Variants in POMGNT1 observed in about 807,000 individuals in gnomAD.
POMGNT1 encodes the protein protein O-linked mannose N-acetylglucosaminyltransferase 1 (beta 1,2-).
POMGNT1 carries 67 observed loss-of-function variants against 95.6 expected under a neutral mutation model. The observed-to-expected ratio is 0.70, with a 90% CI of 0.58 to 0.86. POMGNT1 has a LOEUF of 0.86. Ranked by LOEUF, POMGNT1 falls within the 40% of genes least tolerant of loss-of-function variation. The probability of loss-of-function intolerance (pLI) is 0.00; values close to 1 mark genes in which losing one functional copy is unlikely to be tolerated. For missense variants in POMGNT1, 719 were observed against 855.2 expected (o/e 0.84, Z 1.99); for synonymous variants, 298 against 317.9 (o/e 0.94, Z 0.66).
Position 46,196,011 on chromosome 1 carries a change from C to T in POMGNT1, c.420+1G>A. 1.9e-6 allele frequency: 3 copies of T among 1,614,094 alleles called. No homozygotes were observed. Among genetic ancestry groups the T allele is most frequent in the Non-Finnish European group, 2.5e-6 (3 of 1,180,018 alleles). ...TGGGTCACCCACCCCTAGAAACTCA[C>T]CGTGGCCTGGTTGAGGACAATGACA... On this transcript the variant is annotated splice_donor_variant, in intron 5 of 21. Coordinates refer to ENST00000371984, the MANE Select transcript of POMGNT1 (RefSeq NM_017739.4). LOFTEE classifies it high-confidence loss of function. This position sits in a 1 kb window ranked among gnomAD's most constrained non-coding sequence, Gnocchi z 4.4.
At position 46,189,249 on chromosome 1, in the gene POMGNT1, C is replaced by T. The variant is rs773913718; in HGVS notation, c.*21G>A. ...CCTGGGGGTACACAGTACCCAGCCC[C>T]GCAGGGTCCTGGAGGAGGTCTCATG... On this transcript the variant is annotated 3_prime_UTR_variant, in exon 22 of 22. Coordinates refer to ENST00000371984, the MANE Select transcript of POMGNT1 (RefSeq NM_017739.4). 13 of 1,609,376 alleles carry T rather than the reference C, an allele frequency of 8.1e-6. No homozygotes were observed. The highest frequency in any genetic ancestry group is 4.0e-5 in the African/African-American group (3 of 74,540).
At chr1:46,213,375 T>TTTTTTTTTTTTTTTTTTTTTTG (rs1553165553) in intron 1 of POMGNT1, among the ~76,000 whole-genome samples, 4 of 150,260 alleles carry the variant, frequency 2.7e-5, no homozygotes, top group Admixed American at 6.8e-5. Context: ...ATAAATTTTT[T>TTTTTTTTTTTTTTTTTTTTTTG]AAAATGTCAT....
Position 46,194,590 on chromosome 1 carries a change from G to A in POMGNT1, c.714C>T (p.Val238=). The change falls in exon 8 of 22, where the codon GTC becomes GTT. Residue 238 remains valine, a synonymous_variant. Coordinates refer to ENST00000371984, the MANE Select transcript of POMGNT1 (RefSeq NM_017739.4). ...TCAATGGCACATCTGTCTTCAGCAG[G>A]ACTGGGTCCCCCCAGGAAGAGAGGG... is the stretch of plus-strand genomic sequence containing the variant. ...SPALSSWGDP[V]LLKTDVPLSS... 1.9e-6 allele frequency: 3 copies of A among 1,614,168 alleles called. No individual in the cohort carries two copies. The highest frequency in any genetic ancestry group is 2.5e-6 in the Non-Finnish European group (3 of 1,180,028).
At chr1:46,191,164 TTGACTC>T in intron 17 of POMGNT1, 1 of 342,656 alleles carries the variant, frequency 2.9e-6, no homozygotes. Context: ...AAAAACTACT[TTGACTC>T]TGGTACTGAG....
At chr1:46,218,652 G>T (rs1451814046) in intron 1 of POMGNT1, among the ~76,000 whole-genome samples, 4 of 152,206 alleles carry the variant, frequency 2.6e-5, no homozygotes, top group African/African-American at 9.7e-5. Context: ...AGCAGGGAGA[G>T]ACAGGTTCAG....
upstream of POMGNT1, among the ~76,000 whole-genome samples, chr1:46,198,906 C>T (rs946705069): frequency 1.3e-5 from 2 of 152,154 alleles, no homozygotes; most frequent in African/African-American, 4.8e-5. Context: ...TTTAATTCCA[C>T]AACAACCCCA....
In POMGNT1 at chr1:46,188,978, G is replaced by C; in HGVS notation, c.*292C>G. ...AATAAATAGGTTAGATTCTGAGCCA[G>C]GCCTGGAAAGTGAGGGTATTCAAAG... On this transcript the variant is annotated 3_prime_UTR_variant, in exon 22 of 22. Coordinates refer to ENST00000371984, the MANE Select transcript of POMGNT1 (RefSeq NM_017739.4). 1 of 1,607,068 alleles carries C rather than the reference G, an allele frequency of 6.2e-7. No individual in the cohort carries two copies. Among genetic ancestry groups the C allele is most frequent in the South Asian group, 1.1e-5 (1 of 90,934 alleles).
At chr1:46,211,900 TACAGGCGTGCGCC>T (rs1658908431) in intron 1 of POMGNT1, among the ~76,000 whole-genome samples, 1 of 152,172 alleles carries the variant, frequency 6.6e-6, no homozygotes, top group Admixed American at 6.5e-5. Flanking sequence ...TAGCTGGGCT[TACAGGCGTGCGCC>T]ACAACGCCTG....
chr1:46,220,301 C>G, exon 1 of POMGNT1: 1 of 1,419,996 alleles, frequency 7.0e-7, no homozygotes, highest in Non-Finnish European at 9.5e-7. Context: ...CTCCCTCAGT[C>G]TGAGACTAGG....
intron 1 of POMGNT1, among the ~76,000 whole-genome samples, chr1:46,214,140 A>G (rs1557685810): frequency 1.3e-5 from 2 of 152,024 alleles, no homozygotes; most frequent in South Asian, 4.2e-4. Context: ...GAGGTCAGGA[A>G]TTTGAGACCA....
rs1408536420 is a variant in POMGNT1 at position 46,190,868 on chromosome 1, C to T, written c.1540-84G>A. The T allele has an allele frequency of 2.1e-5, 27 of 1,308,396 alleles. No homozygotes were observed. The East Asian group carries it at 6.2e-4, about 30-fold the overall frequency. The allele number at this position is 1,308,396 out of a possible 1,614,324, so 81.0% of individuals were successfully genotyped here. On this transcript the variant is annotated intron_variant, in intron 17 of 21. Transcript: ENST00000371984. ...GCTGACCAGCCAGACATCTATAAGACACACAAATGAAGTCCTAGACCTGTA... is the reference window on the plus strand; with the variant it reads ...GCTGACCAGCCAGACATCTATAAGATACACAAATGAAGTCCTAGACCTGTA...
intron 1 of POMGNT1, among the ~76,000 whole-genome samples, chr1:46,217,771 C>T (rs1022560447): frequency 2.6e-5 from 4 of 152,190 alleles, no homozygotes; most frequent in South Asian, 2.1e-4. Flanking sequence ...GCAAGAGAAT[C>T]GCTTGAACCC....
chr1:46,192,863 T>C (rs1252232199), intron 14 of POMGNT1, 37 bp downstream of exon 14: 1 of 1,613,226 alleles, frequency 6.2e-7, no homozygotes, highest in Non-Finnish European at 8.5e-7. Context: ...CCCTGCAGAC[T>C]GAGGGACCTC....
intron 1 of POMGNT1, among the ~76,000 whole-genome samples, chr1:46,204,002 G>GT (rs1053506366): frequency 6.6e-6 from 1 of 152,162 alleles, no homozygotes; most frequent in African/African-American, 2.4e-5. Context: ...AAGGCAACCG[G>GT]TTTTTTCTCC....
chr1:46,203,214 A>C, upstream of POMGNT1: 5 of 371,734 alleles, frequency 1.3e-5, no homozygotes, highest in Non-Finnish European at 1.4e-5. Context: ...GCCCCACGCA[A>C]TCCAGGGCCA....
At chr1:46,208,250 C>T (rs1464870817) in intron 1 of POMGNT1, among the ~76,000 whole-genome samples, 1 of 152,122 alleles carries the variant, frequency 6.6e-6, no homozygotes, top group African/African-American at 2.4e-5. Context: ...GTGTCAGCCT[C>T]CCGAAGTTCT....
Position 46,194,707 on chromosome 1 carries a change from T to C in POMGNT1, c.653-56A>G, listed in dbSNP as rs1050250743. ...GGCCCAGACACCAGTTTGGGGGCTT[T>C]TTCCCATCTCCCTGCCTACTTTCAT... is the stretch of plus-strand genomic sequence containing the variant. On this transcript the variant is annotated intron_variant, in intron 7 of 21. Coordinates refer to ENST00000371984, the MANE Select transcript of POMGNT1 (RefSeq NM_017739.4). 3.1e-6 allele frequency: 5 copies of C among 1,614,044 alleles called. No homozygotes were observed. In the Admixed American group the frequency reaches 5.0e-5, roughly 16 times the overall value.
At chr1:46,202,274 T>C (rs1346025720), upstream of POMGNT1, among the ~76,000 whole-genome samples, 1 of 151,918 alleles carries the variant, frequency 6.6e-6, no homozygotes, top group African/African-American at 2.4e-5. Context: ...TGGCTGTTCA[T>C]TACCTGTTAA....
chr1:46,213,750 T>C (rs767707315), intron 1 of POMGNT1, among the ~76,000 whole-genome samples: 1 of 151,720 alleles, frequency 6.6e-6, no homozygotes, highest in South Asian at 2.1e-4. Flanking sequence ...CTAAATATCA[T>C]GAAATACCTC....
Sources: gnomAD v4.1 joint callset for allele counts (sites outside exome capture counted in the v4.1 genomes callset) on GRCh38, gnomAD v4.1.1 for gene constraint, Gnocchi (gnomAD v3.1) non-coding constraint, MANE v1.5 for transcripts, NCBI Gene and HGNC (gene_info 2026-07-23, HGNC 2026-07-21) for gene names.